GPHN: variants seen among roughly 807,000 people sequenced by gnomAD.
GPHN encodes gephyrin.
GPHN carries 17 observed loss-of-function variants against 95.5 expected under a neutral mutation model. That is an observed-to-expected ratio of 0.18 (90% CI 0.12 to 0.27). The LOEUF is 0.27. Among genes scored for constraint, GPHN ranks in the 10% least tolerant of loss-of-function variants. GPHN has a pLI of 1.00. For missense variants in GPHN, 660 were observed against 978.1 expected (o/e 0.67, Z 4.34); for synonymous variants, 320 against 322.5 (o/e 0.99, Z 0.08).
At chr14:66,769,605 C>G (rs114315470) in intron 2 of GPHN, among the ~76,000 whole-genome samples, 34 of 152,274 alleles carry the variant, frequency 2.2e-4, no homozygotes, top group African/African-American at 7.9e-4. Context: ...CATTAGTTCA[C>G]TTAAGATAAT....
In GPHN at chr14:66,831,454, A is replaced by G. The variant is rs1010144627; in HGVS notation, c.294+6888A>G. Among the ~76,000 whole-genome samples the G allele has an allele frequency of 2.0e-5, 3 of 152,148 alleles. No homozygotes were observed. The East Asian group carries it at 5.8e-4, about 29-fold the overall frequency. On this transcript the variant is annotated intron_variant, in intron 4 of 22. Coordinates refer to ENST00000478722, the MANE Select transcript of GPHN (RefSeq NM_020806.5). Reference sequence around the variant, plus strand: ...ATTTAATAAAATGTTCCATCCCTCTACAGTCAGATTTGATGGTTATATTTG... The same window carrying G: ...ATTTAATAAAATGTTCCATCCCTCTGCAGTCAGATTTGATGGTTATATTTG...
chr14:67,120,757 T>A (rs937123067), intron 16 of GPHN, among the ~76,000 whole-genome samples: 4 of 152,252 alleles, frequency 2.6e-5, no homozygotes, highest in African/African-American at 9.6e-5. Context: ...AGAAAATTAA[T>A]CTATGTTAGC....
At chr14:67,629,283 CTATG>C in the GPHN span, among the ~76,000 whole-genome samples, 1 of 152,132 alleles carries the variant, frequency 6.6e-6, no homozygotes. Context: ...CTGCAGTGAG[CTATG>C]ATCATACCAC....
At chr14:66,532,318 C>T (rs998939837) in intron 1 of GPHN, among the ~76,000 whole-genome samples, 1 of 152,162 alleles carries the variant, frequency 6.6e-6, no homozygotes, top group Admixed American at 6.5e-5. Context: ...GGTTCTCCTA[C>T]ATGTGGGTCT....
At chr14:67,382,334 A>G in the GPHN span, 2 of 953,268 alleles carry the variant, frequency 2.1e-6, no homozygotes, top group Non-Finnish European at 3.0e-6. Flanking sequence ...AGAATTGGCA[A>G]TTACGTTTTG....
intron 10 of GPHN, among the ~76,000 whole-genome samples, chr14:67,031,406 T>C (rs1026483882): frequency 6.6e-6 from 1 of 152,222 alleles, no homozygotes; most frequent in African/African-American, 2.4e-5. Context: ...TCACTGGATC[T>C]GACAATAGCT....
intron 1 of GPHN, among the ~76,000 whole-genome samples, chr14:66,553,953 A>C (rs2059917154): frequency 6.6e-6 from 1 of 152,110 alleles, no homozygotes; most frequent in Non-Finnish European, 1.5e-5. Flanking sequence ...TTCTCAGTTA[A>C]TCTAAATTAT....
chr14:66,585,745 TC>T (rs1310231422), intron 1 of GPHN, among the ~76,000 whole-genome samples: 1 of 152,220 alleles, frequency 6.6e-6, no homozygotes. Context: ...TGCACTGTGG[TC>T]TGAGAGACAG....
intron 9 of GPHN, among the ~76,000 whole-genome samples, chr14:66,997,658 G>A (rs2071911759): frequency 6.6e-6 from 1 of 152,132 alleles, no homozygotes; most frequent in Non-Finnish European, 1.5e-5. Context: ...AAAAGAAATA[G>A]CATGACAAAC....
the GPHN span, among the ~76,000 whole-genome samples, chr14:67,681,429 G>A: frequency 1.3e-5 from 2 of 152,220 alleles, no homozygotes; most frequent in African/African-American, 4.8e-5. Context: ...ATGGTGCTAA[G>A]GCACTGGATA....
At chr14:66,767,335 A>G (rs901479123) in intron 2 of GPHN, among the ~76,000 whole-genome samples, 2 of 151,498 alleles carry the variant, frequency 1.3e-5, no homozygotes, top group South Asian at 4.2e-4. Flanking sequence ...CTAGCCCTGT[A>G]TATCTTTCCC....
chr14:66,762,230 CTAAA>C (rs1157626497), intron 2 of GPHN, among the ~76,000 whole-genome samples: 9 of 151,546 alleles, frequency 5.9e-5, no homozygotes, highest in African/African-American at 1.2e-4. Flanking sequence ...TGGCATATTT[CTAAA>C]TAAAGGCTTC....
At chr14:67,442,319 G>A in the GPHN span, among the ~76,000 whole-genome samples, 8 of 152,198 alleles carry the variant, frequency 5.3e-5, no homozygotes, top group East Asian at 5.8e-4. Flanking sequence ...ACGTGCACCC[G>A]TTGGTTCAGT....
intron 19 of GPHN, among the ~76,000 whole-genome samples, chr14:67,162,369 A>G (rs1379006244): frequency 6.6e-6 from 1 of 152,222 alleles, no homozygotes; most frequent in Non-Finnish European, 1.5e-5. Flanking sequence ...CCAGAATTTT[A>G]TGCTTGTCTA....
At chr14:66,707,480 G>A (rs1226648879) in intron 2 of GPHN, among the ~76,000 whole-genome samples, 1 of 152,192 alleles carries the variant, frequency 6.6e-6, no homozygotes, top group Non-Finnish European at 1.5e-5. Flanking sequence ...ACACTATGCA[G>A]TCACAAACAG....
chr14:67,112,922 T>G, intron 15 of GPHN, 96 bp from the exon 16 acceptor site: 1 of 1,083,570 alleles, frequency 9.2e-7, no homozygotes, highest in Non-Finnish European at 1.4e-6. Context: ...CTTTTTTGTC[T>G]TCTTGAATGT....
chr14:67,254,525 T>C, the GPHN span, among the ~76,000 whole-genome samples: 2 of 152,220 alleles, frequency 1.3e-5, no homozygotes. Flanking sequence ...GACATTTGTA[T>C]TCTCATTAGC....
the GPHN span, chr14:67,592,307 G>A: frequency 9.2e-6 from 4 of 435,182 alleles, no homozygotes; most frequent in South Asian, 3.9e-5. Context: ...AGGCGAGATG[G>A]TGCACACCTG....
chr14:67,342,103 A>C, the GPHN span, among the ~76,000 whole-genome samples: 1 of 151,976 alleles, frequency 6.6e-6, no homozygotes, highest in Non-Finnish European at 1.5e-5. Flanking sequence ...TCACTTGTTT[A>C]TCTGCTGACC....
Sources: allele counts gnomAD v4.1 joint callset (sites outside exome capture counted in the v4.1 genomes callset), GRCh38; gene constraint gnomAD v4.1.1; transcripts MANE v1.5; gene names NCBI Gene and HGNC (gene_info 2026-07-23, HGNC 2026-07-21).